FBRSL1: variants seen among roughly 807,000 people sequenced by gnomAD.
The protein encoded by FBRSL1 is fibrosin-1-like protein.
A neutral mutation model predicts 89.6 loss-of-function variants in FBRSL1; 51 were observed. The ratio of observed to expected loss-of-function variants is 0.57; its 90% CI spans 0.45 to 0.72. FBRSL1 has a LOEUF of 0.72. FBRSL1 is among the 30% of genes least tolerant of loss of function. FBRSL1 has a pLI of 0.00. For missense variants in FBRSL1, 1,618 were observed against 1,451.8 expected, an observed-to-expected ratio of 1.11 and a Z score of -1.86; for synonymous variants, 779 against 681.1, an observed-to-expected ratio of 1.14 and a Z score of -2.24.
chr12:132,561,795 G>T (rs988733766), intron 5 of FBRSL1, among the ~76,000 whole-genome samples: 38 of 152,196 alleles, frequency 2.5e-4, no homozygotes, highest in African/African-American at 9.2e-4. Context: ...CAGGAGGATG[G>T]TGCAGGCCCA....
chr12:132,567,460 A>AC (rs906750384), intron 5 of FBRSL1, 21 bp from the exon 6 acceptor site: 2 of 1,549,854 alleles, frequency 1.3e-6, no homozygotes, highest in African/African-American at 1.4e-5. Flanking sequence ...ACTGCCCCTG[A>AC]CCCCCCTTCT....
chr12:132,559,878 C>T (rs1212318727), intron 5 of FBRSL1, among the ~76,000 whole-genome samples: 1 of 150,868 alleles, frequency 6.6e-6, no homozygotes, highest in Non-Finnish European at 1.5e-5. Context: ...CGGCGGCGGG[C>T]GCGGGTGGAT....
chr12:132,503,671 G>A (rs2033314888), intron 1 of FBRSL1, among the ~76,000 whole-genome samples: 1 of 152,232 alleles, frequency 6.6e-6, no homozygotes, highest in Non-Finnish European at 1.5e-5. Flanking sequence ...AGGATGTCGG[G>A]GCACAGGCCA....
chr12:132,524,323 G>A (rs2035605380), intron 2 of FBRSL1, among the ~76,000 whole-genome samples: 2 of 152,272 alleles, frequency 1.3e-5, no homozygotes, highest in South Asian at 2.1e-4. Context: ...GCCTCCTCCA[G>A]TGTGGGTGCC....
At chr12:132,581,627 G>T in intron 16 of FBRSL1, 111 bp downstream of exon 16, 1 of 1,487,432 alleles carries the variant, frequency 6.7e-7, no homozygotes, top group Non-Finnish European at 9.2e-7. Flanking sequence ...AGCCCCTTGG[G>T]TCATGCAGGC....
intron 4 of FBRSL1, among the ~76,000 whole-genome samples, chr12:132,536,711 A>T (rs1329617462): frequency 6.8e-6 from 1 of 148,070 alleles, no homozygotes; most frequent in Non-Finnish European, 1.5e-5. Flanking sequence ...TGTACATGAC[A>T]GTGTGTGTGA....
chr12:132,548,138 T>C (rs2137327507), intron 5 of FBRSL1, 106 bp downstream of exon 5: 1 of 1,375,508 alleles, frequency 7.3e-7, no homozygotes, highest in East Asian at 2.5e-5. Flanking sequence ...GATCGGGCCT[T>C]GGGGGGATCC....
intron 4 of FBRSL1, among the ~76,000 whole-genome samples, chr12:132,543,539 C>T (rs944527353): frequency 5.3e-5 from 8 of 152,170 alleles, no homozygotes; most frequent in African/African-American, 1.7e-4. Context: ...AAGCAGCCAT[C>T]GGTGCTCATG....
intron 2 of FBRSL1, among the ~76,000 whole-genome samples, chr12:132,515,991 C>A (rs1639369471): frequency 6.6e-6 from 1 of 150,846 alleles, no homozygotes; most frequent in Non-Finnish European, 1.5e-5. Context: ...GTTGAGAAAT[C>A]CCTAGCTAGA....
chr12:132,583,166 C>G lies in FBRSL1; in HGVS notation c.2397C>G (p.Arg799=). Reference sequence around the variant, plus strand: ...AGGAGGCCGCCAAGATGCCCGCGCGCGCATCCCCGCCCCACAGCAAGGCGG... The same window carrying G: ...AGGAGGCCGCCAAGATGCCCGCGCGGGCATCCCCGCCCCACAGCAAGGCGG... The part of the protein sequence containing the change: ...AKEEAAKMPA[R]ASPPHSKAAP... Residue 799 remains arginine, a synonymous_variant, in exon 19 of 19, where the codon CGC becomes CGG. Transcript: ENST00000680143. The G allele has an allele frequency of 6.8e-7, 1 of 1,460,154 alleles. No homozygotes were observed. Among genetic ancestry groups the G allele is most frequent in the Non-Finnish European group, 9.0e-7 (1 of 1,110,064 alleles). The allele number at this position is 1,460,154 out of a possible 1,614,324, so 90.4% of individuals were successfully genotyped here.
At chr12:132,524,305 C>T (rs1396700330) in intron 2 of FBRSL1, among the ~76,000 whole-genome samples, 4 of 152,238 alleles carry the variant, frequency 2.6e-5, no homozygotes, top group Non-Finnish European at 4.4e-5. Context: ...CATCCCTGCC[C>T]GGCCAGGGCC....
intron 2 of FBRSL1, among the ~76,000 whole-genome samples, chr12:132,524,007 T>G (rs1298188366): frequency 2.6e-5 from 4 of 152,214 alleles, no homozygotes; most frequent in Non-Finnish European, 5.9e-5. Context: ...GTGACAACAG[T>G]GACCCCTGGT....
chr12:132,544,400 A>T (rs1158918269), intron 4 of FBRSL1, among the ~76,000 whole-genome samples: 1 of 152,106 alleles, frequency 6.6e-6, no homozygotes, highest in Non-Finnish European at 1.5e-5. Flanking sequence ...AGGAAGGCTC[A>T]CCTTTCCAGC....
At chr12:132,540,307 G>A (rs139223084) in intron 4 of FBRSL1, among the ~76,000 whole-genome samples, 1,895 of 29,492 alleles carry the variant, frequency 0.064, 131 homozygotes, top group Middle Eastern at 0.12. Context: ...TCCCAGCCCC[G>A]TGCCCCCACC....
intron 3 of FBRSL1, 131 bp downstream of exon 3, chr12:132,525,954 A>T: frequency 4.2e-6 from 3 of 721,482 alleles, no homozygotes; most frequent in Non-Finnish European, 6.8e-6. Context: ...GTCCAGTCCG[A>T]GTCTGGGCCC....
Position 132,574,325 on chromosome 12 carries a change from G to A in FBRSL1, c.1606G>A (p.Asp536Asn). 6.5e-7 allele frequency: 1 copy of A among 1,546,970 alleles called. No homozygotes were observed. ...TCCTTTCCTGTCTCCACAGGTGTCT[G>A]ACCCGTACCGGGCGGTGGTCAAGGT... ...TLLQKAPGVSDPYRAVVKKPG... is the reference protein window; with the variant it reads ...TLLQKAPGVSNPYRAVVKKPG... Residue 536 changes from aspartate (D) to asparagine (N), a missense_variant, in exon 13 of 19, where the codon GAC becomes AAC. By Grantham distance (23) the Asp-to-Asn change is conservative. Transcript: ENST00000680143.
intron 1 of FBRSL1, among the ~76,000 whole-genome samples, chr12:132,492,884 G>A (rs79475946): frequency 6.0e-4 from 91 of 152,338 alleles, no homozygotes; most frequent in African/African-American, 2.1e-3. Flanking sequence ...TCTCTTGGTT[G>A]TCTACATTTT....
rs1344005243 is a variant in FBRSL1, at chr12:132,490,752, C to T, written c.182C>T (p.Pro61Leu). 3.7e-6 allele frequency: 4 copies of T among 1,074,846 alleles called. No homozygotes were observed. The highest frequency in any genetic ancestry group is 8.5e-5 in the South Asian group (2 of 23,512). The allele number at this position is 1,074,846 out of a possible 1,614,324, so 66.6% of individuals were successfully genotyped here. Residue 61 changes from proline to leucine, a missense_variant, in exon 1 of 19, where the codon CCC (proline) becomes CTC (leucine). Physicochemically the swap from Pro to Leu is moderately conservative, Grantham distance 98. Transcript: ENST00000680143. ...CCCCCCCGAGGCGCCGCCCCCGCGC[C>T]CCGCACCGCGCGTCCCCCGCGCCGC... ...GAPPRGAAPA[P>L]RTARPPRRRR...
intron 9 of FBRSL1, chr12:132,572,003 C>T (rs954584876): frequency 5.8e-6 from 3 of 514,162 alleles, no homozygotes; most frequent in African/African-American, 3.9e-5. Context: ...GCAGCCAGGG[C>T]TTCACGCCCC....
Sources: allele counts gnomAD v4.1 joint callset (sites outside exome capture counted in the v4.1 genomes callset), GRCh38; gene constraint gnomAD v4.1.1; transcripts MANE v1.5; gene names NCBI Gene and HGNC (gene_info 2026-07-23, HGNC 2026-07-21).